Variants in FGA observed in about 807,000 individuals in gnomAD.
FGA encodes fibrinogen alpha chain.
In FGA, 20 loss-of-function variants were observed where a neutral mutation model predicts 20.3. The observed-to-expected ratio is 0.99, with a 90% CI of 0.69 to 1.43. The LOEUF (loss-of-function observed/expected upper bound fraction) is 1.43, where lower values mean the gene tolerates loss of function less well. Ranked by LOEUF, FGA falls within the 40% of genes most tolerant of loss-of-function variation. The probability of loss-of-function intolerance (pLI) is 0.00; values close to 1 mark genes in which losing one functional copy is unlikely to be tolerated. For synonymous variants in FGA, 306 were observed against 281.6 expected, an observed-to-expected ratio of 1.09 and a Z score of -0.87; for missense variants, 777 against 784.7, an observed-to-expected ratio of 0.99 and a Z score of 0.12.
intron 3 of FGA, 88 bp from the exon 4 acceptor site, chr4:154,587,745 GAGA>G (rs1449604797): frequency 1.9e-6 from 1 of 522,988 alleles, no homozygotes. Context: ...AGGAAGGAAG[GAGA>G]AAGAAAGAAA....
chr4:154,585,902 G>GA lies in FGA; in HGVS notation c.1526dup (p.Arg510ProfsTer3), dbSNP rs1473117647. 2 of 1,614,042 alleles carry GA rather than the reference G, an allele frequency of 1.2e-6. No homozygotes were observed. Among genetic ancestry groups the GA allele is most frequent in the South Asian group, 2.2e-5 (2 of 91,066 alleles). ...CAGCTTCATCAGGGTGCCTATGGCGGAACCCATCCAGAGTACCTATGCCAG... is the reference window on the plus strand; with the variant it reads ...CAGCTTCATCAGGGTGCCTATGGCGGAAACCCATCCAGAGTACCTATGCCAG... On this transcript the variant is annotated frameshift_variant, in exon 5 of 5. Coordinates refer to ENST00000403106, the MANE Select transcript of FGA (RefSeq NM_021871.4). LOFTEE classifies it low-confidence loss of function (END_TRUNC).
chr4:154,586,090 C>G lies in FGA; in HGVS notation c.1339G>C (p.Glu447Gln), dbSNP rs138496061. Reference protein sequence around the residue: ...KGDKELRTGKEKVTSGSTTTT... With the variant: ...KGDKELRTGKQKVTSGSTTTT... ...GTTGTGCTACCAGAGGTGACCTTCT[C>G]TTTACCAGTCCTGAGCTCTTTATCT... Residue 447 changes from glutamate (E) to glutamine (Q), a missense_variant, in exon 5 of 5, where the codon GAG becomes CAG. Physicochemically the swap from Glu to Gln is conservative, Grantham distance 29. Coordinates refer to ENST00000403106, the MANE Select transcript of FGA (RefSeq NM_021871.4). The G allele has an allele frequency of 1.5e-5, 25 of 1,614,036 alleles. No homozygotes were observed. The African/African-American group carries it at 2.5e-4, about 16-fold the overall frequency.
downstream of FGA, among the ~76,000 whole-genome samples, chr4:154,584,999 C>G (rs1730672706): frequency 6.6e-6 from 1 of 152,184 alleles, no homozygotes; most frequent in Non-Finnish European, 1.5e-5. Context: ...TGGGATAGAA[C>G]TTATGCAAAT....
Position 154,586,547 on chromosome 4 carries a change from GC to G in FGA, c.881del (p.Ser294ThrfsTer127). On this transcript the variant is annotated frameshift_variant, in exon 5 of 5. Transcript: ENST00000403106. LOFTEE classifies it low-confidence loss of function (END_TRUNC). ...ESPRNPSSAG[S>X]WNSGSSGPGS... is the part of the protein sequence containing the mutation. Reference sequence around the variant, plus strand: ...CAGGTCCAGAGCTCCCAGAGTTCCAGCTTCCAGCACTGCTAGGGTTCCTGGG... The same window carrying G: ...CAGGTCCAGAGCTCCCAGAGTTCCAGTTCCAGCACTGCTAGGGTTCCTGGG... 2 of 1,614,144 alleles carry G rather than the reference GC, an allele frequency of 1.2e-6. No homozygotes were observed. Among genetic ancestry groups the G allele is most frequent in the Non-Finnish European group, 1.7e-6 (2 of 1,180,020 alleles).
chr4:154,585,759 G>C lies in FGA; in HGVS notation c.1670C>G (p.Thr557Arg), dbSNP rs976135700. 43 of 1,614,054 alleles carry C rather than the reference G, an allele frequency of 2.7e-5. No individual in the cohort carries two copies. Among genetic ancestry groups the C allele is most frequent in the Non-Finnish European group, 3.6e-5 (42 of 1,180,040 alleles). ...RGSESGIFTN[T>R]KESSSHHPGI... is the part of the protein sequence containing the mutation. ...AGGGTGATGAGAACTGGATTCCTTTGTATTTGTGAAGATGCCAGATTCTGA... is the reference window on the plus strand; with the variant it reads ...AGGGTGATGAGAACTGGATTCCTTTCTATTTGTGAAGATGCCAGATTCTGA... The change falls in exon 5 of 5, where the codon ACA (threonine) becomes AGA (arginine). Residue 557 changes from threonine to arginine, a missense_variant. Thr to Arg is a moderately conservative substitution (Grantham distance 71, BLOSUM62 -1). Transcript: ENST00000403106.
downstream of FGA, chr4:154,584,560 G>A (rs1170708906): frequency 6.8e-6 from 11 of 1,614,054 alleles, no homozygotes; most frequent in South Asian, 1.1e-5. Flanking sequence ...CCTAAGAACA[G>A]AGCCCCTTTG....
rs1020674911 is a variant in FGA at position 154,586,487 on chromosome 4, C to T, written c.942G>A (p.Gly314=). 1.2e-6 allele frequency: 2 copies of T among 1,613,448 alleles called. No homozygotes were observed. The highest frequency in any genetic ancestry group is 1.7e-6 in the Non-Finnish European group (2 of 1,179,770). The change falls in exon 5 of 5, where the codon GGG becomes GGA. Residue 314 remains glycine, a synonymous_variant. Transcript: ENST00000403106. ...GTTTCCAGGTTGCAGTCCCTCCAGT[C>T]CCAGAGCTCCCAGGGTTTCGGTTTC... The part of the protein sequence containing the change: ...STGNRNPGSS[G]TGGTATWKPG...
chr4:154,584,949 C>A (rs1730671895), downstream of FGA: 5 of 870,180 alleles, frequency 5.7e-6, no homozygotes, highest in Non-Finnish European at 7.4e-6. Context: ...TTCTTTCTTC[C>A]TCCTTTCCTT....
chr4:154,585,178 A>C, downstream of FGA: 4 of 1,228,350 alleles, frequency 3.3e-6, no homozygotes, highest in Non-Finnish European at 4.2e-6. Context: ...ACACATACTA[A>C]AAATGTGATT....
chr4:154,587,787 G>GAAAGAAAGAAAGAGAAA, intron 3 of FGA, 130 bp from the exon 4 acceptor site: 1 of 713,650 alleles, frequency 1.4e-6, no homozygotes. Context: ...AAGAAAGAAA[G>GAAAGAAAGAAAGAGAAA]AAAGAAAGAA....
chr4:154,585,279 T>A lies in FGA; in HGVS notation c.*215A>T, dbSNP rs1730677854. On this transcript the variant is annotated 3_prime_UTR_variant, in exon 5 of 5. Coordinates refer to ENST00000403106, the MANE Select transcript of FGA (RefSeq NM_021871.4). ...TCAAATAGAGTTTCAGAGGAATTCA[T>A]TCATCCATTTAACATGTATTTATTG... 1 of 1,349,384 alleles carries A rather than the reference T, an allele frequency of 7.4e-7. No homozygotes were observed. Among genetic ancestry groups the A allele is most frequent in the African/African-American group, 1.5e-5 (1 of 68,044 alleles). 83.6% of individuals were successfully genotyped at this position (1,349,384 alleles called of 1,614,324 possible). A position where few individuals can be genotyped will look rare whatever the true frequency, so the allele number is the denominator to read the frequency against.
At position 154,585,415 on chromosome 4, in the gene FGA, T is replaced by C. The variant is rs995512582; in HGVS notation, c.*79A>G. 1.2e-5 allele frequency: 14 copies of C among 1,176,028 alleles called. No homozygotes were observed. The African/African-American group carries it at 2.1e-4, about 18-fold the overall frequency. The allele number at this position is 1,176,028 out of a possible 1,614,324, so 72.8% of individuals were successfully genotyped here. Reference sequence around the variant, plus strand: ...ACAAAAACAGACCAAAAAAGTGTAGTTTCAATGACGTGTAACAGAGAGTTA... The same window carrying C: ...ACAAAAACAGACCAAAAAAGTGTAGCTTCAATGACGTGTAACAGAGAGTTA... On this transcript the variant is annotated 3_prime_UTR_variant, in exon 5 of 5. Transcript: ENST00000403106.
intron 1 of FGA, 22 bp from the exon 2 acceptor site, chr4:154,589,584 C>T (rs368266292): frequency 1.9e-6 from 3 of 1,610,664 alleles, no homozygotes; most frequent in Non-Finnish European, 2.5e-6. Context: ...CATTCACATA[C>T]ACAAAAGAGA....
downstream of FGA, chr4:154,584,892 G>T: frequency 7.8e-7 from 1 of 1,276,816 alleles, no homozygotes; most frequent in Non-Finnish European, 1.1e-6. Flanking sequence ...TACAAAGATA[G>T]GCACGGCTCA....
chr4:154,584,180 C>T, downstream of FGA: 6 of 1,611,208 alleles, frequency 3.7e-6, no homozygotes, highest in Non-Finnish European at 5.1e-6. Context: ...GAATAATCTG[C>T]CCCTCTAAAG....
In FGA at chr4:154,588,802, A is replaced by T. The variant is rs550983532; in HGVS notation, c.355T>A (p.Ser119Thr). The change falls in exon 3 of 5, where the codon TCA becomes ACA. Residue 119 changes from serine to threonine, a missense_variant. Physicochemically the swap from Ser to Thr is moderately conservative, Grantham distance 58. Coordinates refer to ENST00000403106, the MANE Select transcript of FGA (RefSeq NM_021871.4). ...AATATGTAATACTTACTATTGGCTG[A>T]GGAAAAATCGCCTCTCAAAATTTCC... is the stretch of plus-strand genomic sequence containing the variant. ...IMEILRGDFSSANNRDNTYNR... is the reference protein window; with the variant it reads ...IMEILRGDFSTANNRDNTYNR... 153 of 1,607,996 alleles carry T rather than the reference A, an allele frequency of 9.5e-5. No homozygotes were observed. The South Asian group carries it at 1.6e-3, about 17-fold the overall frequency.
Position 154,589,490 on chromosome 4 carries a change from G to A in FGA, c.127C>T (p.His43Tyr). Residue 43 changes from histidine to tyrosine, a missense_variant, in exon 2 of 5, where the codon CAT becomes TAT. Transcript: ENST00000403106. ...GVRGPRVVER[H>Y]QSACKDSDWP... ...TCTGAATCTTTGCAGGCAGATTGATGTCTTTCCACAACCCTTGGGCCACGC... is the reference window on the plus strand; with the variant it reads ...TCTGAATCTTTGCAGGCAGATTGATATCTTTCCACAACCCTTGGGCCACGC... The A allele has an allele frequency of 1.9e-6, 3 of 1,614,062 alleles. No homozygotes were observed. The highest frequency in any genetic ancestry group is 2.5e-6 in the Non-Finnish European group (3 of 1,179,992).
downstream of FGA, chr4:154,583,779 A>G (rs1269842531): frequency 1.7e-5 from 4 of 233,216 alleles, no homozygotes; most frequent in South Asian, 3.1e-4. Context: ...CAATGGCATT[A>G]TGATTTTGGG....
intron 1 of FGA, 70 bp downstream of exon 1, chr4:154,590,564 C>G: frequency 7.7e-7 from 1 of 1,305,286 alleles, no homozygotes; most frequent in South Asian, 1.3e-5. Context: ...CAGGTAGACT[C>G]TGACCTCCAG....
Sources: allele counts gnomAD v4.1 joint callset (sites outside exome capture counted in the v4.1 genomes callset), GRCh38; gene constraint gnomAD v4.1.1; transcripts MANE v1.5; gene names NCBI Gene and HGNC (gene_info 2026-07-23, HGNC 2026-07-21).